Variants in ZNF804B observed in about 807,000 individuals in gnomAD.
ZNF804B encodes the protein zinc finger protein 804B.
Under a neutral mutation model 101.4 loss-of-function variants are expected in ZNF804B, and 80 were observed. The observed-to-expected ratio is 0.79, with a 90% confidence interval of 0.66 to 0.95. ZNF804B has a LOEUF of 0.95. ZNF804B is among the 40% of genes least tolerant of loss of function. The pLI is 0.00. For missense variants in ZNF804B, 1,673 were observed against 1,561.9 expected (o/e 1.07, Z -1.20); for synonymous variants, 622 against 558.8 (o/e 1.11, Z -1.59).
intron 1 of ZNF804B, among the ~76,000 whole-genome samples, chr7:88,988,409 A>C (rs1275768108): frequency 6.6e-6 from 1 of 152,126 alleles, no homozygotes; most frequent in Non-Finnish European, 1.5e-5. Flanking sequence ...TCTATTTTGC[A>C]TATAATGACA....
At chr7:88,857,303 A>G (rs1791576442) in intron 1 of ZNF804B, among the ~76,000 whole-genome samples, 1 of 152,210 alleles carries the variant, frequency 6.6e-6, no homozygotes, top group Non-Finnish European at 1.5e-5. Flanking sequence ...AAAACCCTCC[A>G]AAAAATCAAT....
At chr7:88,857,822 C>CTTTTTTTTTTTTT (rs55841922) in intron 1 of ZNF804B, among the ~76,000 whole-genome samples, 1,029 of 81,488 alleles carry the variant, frequency 0.013, 145 homozygotes, top group Non-Finnish European at 0.015. Flanking sequence ...CCTTTCTTTT[C>CTTTTTTTTTTTTT]TTTTTTTTTT....
At chr7:88,845,113 A>AG (rs1490734608) in intron 1 of ZNF804B, among the ~76,000 whole-genome samples, 1 of 152,174 alleles carries the variant, frequency 6.6e-6, no homozygotes, top group South Asian at 2.1e-4. Context: ...TAATAAGGCA[A>AG]GGGGTGGTTC....
At chr7:89,111,237 G>A (rs61609677) in intron 1 of ZNF804B, among the ~76,000 whole-genome samples, 2,171 of 152,240 alleles carry the variant, frequency 0.014, 55 homozygotes, top group African/African-American at 0.05. Context: ...AAACTCACCT[G>A]GACAAAGATC....
At chr7:88,807,927 A>G (rs1790717662) in intron 1 of ZNF804B, among the ~76,000 whole-genome samples, 1 of 152,134 alleles carries the variant, frequency 6.6e-6, no homozygotes, top group Non-Finnish European at 1.5e-5. Flanking sequence ...AGTTCCTACA[A>G]CTGAAGTGGA....
At chr7:88,881,829 T>G (rs1792047574) in intron 1 of ZNF804B, among the ~76,000 whole-genome samples, 1 of 152,194 alleles carries the variant, frequency 6.6e-6, no homozygotes, top group African/African-American at 2.4e-5. Flanking sequence ...CAACTTATAT[T>G]CTGGGAACTG....
rs971405683 is a variant in ZNF804B at position 88,910,781 on chromosome 7, G to A, written c.108+150697G>A. Among the ~76,000 whole-genome samples the A allele has an allele frequency of 5.3e-5, 8 of 151,952 alleles. No homozygotes were observed. In the East Asian group the frequency reaches 9.7e-4, roughly 18 times the overall value. ...CCAATGCAAGCGTGATTGAAGAATC[G>A]TAAGGGAAGATGTTCTGCAAAATGA... On this transcript the variant is annotated intron_variant, in intron 1 of 3. Transcript: ENST00000333190.
chr7:88,792,713 T>C (rs1208449823), intron 1 of ZNF804B, among the ~76,000 whole-genome samples: 1 of 152,136 alleles, frequency 6.6e-6, no homozygotes, highest in Non-Finnish European at 1.5e-5. Context: ...TAAATTGATA[T>C]AAATTTTGAA....
intron 1 of ZNF804B, among the ~76,000 whole-genome samples, chr7:89,120,314 A>C (rs1476769482): frequency 6.6e-6 from 1 of 151,668 alleles, no homozygotes; most frequent in African/African-American, 2.4e-5. Context: ...AAACCAAACC[A>C]AACCAAAACA....
At chr7:89,261,135 G>A (rs112926209) in intron 2 of ZNF804B, among the ~76,000 whole-genome samples, 43 of 152,256 alleles carry the variant, frequency 2.8e-4, no homozygotes, top group African/African-American at 9.6e-4. Flanking sequence ...CAGCAATAGA[G>A]TAAGTACTAT....
intron 1 of ZNF804B, among the ~76,000 whole-genome samples, chr7:89,132,995 C>T (rs1364175381): frequency 6.6e-6 from 1 of 151,980 alleles, no homozygotes; most frequent in Admixed American, 6.6e-5. Flanking sequence ...ATCTTTTGGC[C>T]TATGCACCAG....
At chr7:89,194,509 C>A (rs1373559712) in intron 1 of ZNF804B, among the ~76,000 whole-genome samples, 7 of 149,924 alleles carry the variant, frequency 4.7e-5, no homozygotes, top group Admixed American at 3.3e-4. Flanking sequence ...AGGAAGGGAT[C>A]CAGTTTCAGC....
chr7:88,893,671 A>G (rs1223981874), intron 1 of ZNF804B, among the ~76,000 whole-genome samples: 1 of 152,146 alleles, frequency 6.6e-6, no homozygotes, highest in East Asian at 1.9e-4. Context: ...AATAAGGAAA[A>G]ACACTCAGAT....
chr7:88,805,225 T>C (rs1189291925), intron 1 of ZNF804B, among the ~76,000 whole-genome samples: 1 of 152,192 alleles, frequency 6.6e-6, no homozygotes, highest in Non-Finnish European at 1.5e-5. Context: ...ATTCCAAATA[T>C]GCAATGAGGG....
intron 1 of ZNF804B, among the ~76,000 whole-genome samples, chr7:89,109,531 T>G (rs1484758216): frequency 6.6e-6 from 1 of 152,184 alleles, no homozygotes; most frequent in Non-Finnish European, 1.5e-5. Flanking sequence ...TTACTAGGAA[T>G]AATTGAAATT....
intron 1 of ZNF804B, among the ~76,000 whole-genome samples, chr7:88,976,045 G>A (rs941122772): frequency 2.0e-5 from 3 of 151,586 alleles, no homozygotes; most frequent in Non-Finnish European, 4.4e-5. Flanking sequence ...TCCAGTGTAT[G>A]TTCTTGGTAC....
At chr7:89,278,413 G>A (rs1472174414) in intron 2 of ZNF804B, among the ~76,000 whole-genome samples, 2 of 150,440 alleles carry the variant, frequency 1.3e-5, no homozygotes, top group African/African-American at 2.5e-5. Context: ...TTTTAGACAT[G>A]AAGTCCTTGC....
At chr7:88,794,930 C>A in intron 1 of ZNF804B, 1 of 1,587,328 alleles carries the variant, frequency 6.3e-7, no homozygotes, top group South Asian at 1.2e-5. Flanking sequence ...TGGTTATGGA[C>A]CGAAAAGGAC....
intron 1 of ZNF804B, among the ~76,000 whole-genome samples, chr7:88,829,903 C>T (rs531476316): frequency 6.6e-6 from 1 of 152,242 alleles, no homozygotes; most frequent in South Asian, 2.1e-4. Context: ...TTTTAGTCCT[C>T]TTTATTTACC....
Sources: gnomAD v4.1 joint callset for allele counts (sites outside exome capture counted in the v4.1 genomes callset) on GRCh38, gnomAD v4.1.1 for gene constraint, MANE v1.5 for transcripts, NCBI Gene and HGNC (gene_info 2026-07-23, HGNC 2026-07-21) for gene names.